GRM5: variants seen among roughly 807,000 people sequenced by gnomAD.
GRM5 encodes glutamate metabotropic receptor 5, also known as metabotropic glutamate receptor 5.
Under a neutral mutation model 83.1 loss-of-function variants are expected in GRM5, and 19 were observed. That is an observed-to-expected ratio of 0.23 (90% CI 0.16 to 0.34). The LOEUF is 0.34. GRM5 is among the 10% of genes least tolerant of loss of function. GRM5 has a pLI of 1.00. For missense variants in GRM5, 1,160 were observed against 1,588.3 expected, an observed-to-expected ratio of 0.73 and a Z score of 4.58; for synonymous variants, 675 against 633.6, an observed-to-expected ratio of 1.07 and a Z score of -0.98.
intron 3 of GRM5, among the ~76,000 whole-genome samples, chr11:88,665,162 T>TACACACACACACACACACAC (rs1214459891): frequency 0.049 from 6,848 of 140,820 alleles, 203 homozygotes; most frequent in South Asian, 0.082. Context: ...TTAATTTATT[T>TACACACACACACACACACAC]ACACACACAC....
At chr11:88,570,608 C>T (rs1285509089) in intron 7 of GRM5, among the ~76,000 whole-genome samples, 4 of 96,330 alleles carry the variant, frequency 4.2e-5, no homozygotes, top group South Asian at 3.4e-4. Flanking sequence ...GAGACATAGT[C>T]GCCCTTTGTC....
intron 3 of GRM5, among the ~76,000 whole-genome samples, chr11:88,842,748 C>A (rs1470577820): frequency 2.0e-5 from 3 of 152,004 alleles, no homozygotes; most frequent in Middle Eastern, 3.2e-3. Context: ...CTTAGAATTC[C>A]TCTCTTAATT....
chr11:88,862,255 C>T (rs1240995353), intron 2 of GRM5, among the ~76,000 whole-genome samples: 1 of 152,102 alleles, frequency 6.6e-6, no homozygotes, highest in African/African-American at 2.4e-5. Flanking sequence ...GTAAATTTGT[C>T]TCCTCAATTA....
intron 3 of GRM5, among the ~76,000 whole-genome samples, chr11:88,690,765 T>G (rs1458281429): frequency 3.3e-5 from 5 of 152,136 alleles, no homozygotes; most frequent in Non-Finnish European, 5.9e-5. Flanking sequence ...TCAGGTTGGG[T>G]TGGCAGTAAG....
rs114296600 is a variant in GRM5, at chr11:88,863,226, G to A, written c.662-13071C>T. On this transcript the variant is annotated intron_variant, in intron 2 of 9. Coordinates refer to ENST00000305447, the MANE Select transcript of GRM5 (RefSeq NM_001143831.3). ...GGCAATTCCTCAAAGGTCTAGAGTC[G>A]AAATGTCATTTGACCCAGCAATCCC... Among the ~76,000 whole-genome samples the A allele has an allele frequency of 6.8e-3, 1,030 of 152,120 alleles. 12 individuals are homozygous for A. The highest frequency in any genetic ancestry group is 0.024 in the African/African-American group (982 of 41,524).
At chr11:88,584,840 T>A (rs1191724044) in intron 7 of GRM5, among the ~76,000 whole-genome samples, 1 of 152,212 alleles carries the variant, frequency 6.6e-6, no homozygotes, top group Non-Finnish European at 1.5e-5. Flanking sequence ...TAAGAACAGA[T>A]AATTTTACTG....
intron 3 of GRM5, among the ~76,000 whole-genome samples, chr11:88,816,394 C>A (rs1943682691): frequency 6.6e-6 from 1 of 150,696 alleles, no homozygotes; most frequent in Admixed American, 6.6e-5. Context: ...CAAAAATTAG[C>A]CAGACATGGT....
intron 4 of GRM5, 92 bp from the exon 5 acceptor site, chr11:88,605,056 G>T: frequency 2.0e-6 from 2 of 984,560 alleles, no homozygotes; most frequent in Non-Finnish European, 3.1e-6. Flanking sequence ...TGTAATTAGA[G>T]AATGCACTGG....
intron 4 of GRM5, among the ~76,000 whole-genome samples, chr11:88,619,283 A>G (rs375744662): frequency 7.2e-5 from 11 of 152,218 alleles, no homozygotes; most frequent in East Asian, 3.8e-4. Flanking sequence ...CTACTTTACA[A>G]GCTGAAGAAA....
chr11:88,795,405 T>C (rs1433891150), intron 3 of GRM5, among the ~76,000 whole-genome samples: 1 of 152,142 alleles, frequency 6.6e-6, no homozygotes, highest in Non-Finnish European at 1.5e-5. Context: ...AAGTGGACTA[T>C]GCAGTTGGAA....
intron 9 of GRM5, among the ~76,000 whole-genome samples, chr11:88,516,490 G>A (rs1228156394): frequency 6.6e-6 from 1 of 152,158 alleles, no homozygotes; most frequent in Admixed American, 6.6e-5. Context: ...CTGAGGGACT[G>A]TAAGATAAAA....
Position 88,516,942 on chromosome 11 carries a change from G to A in GRM5, c.2727-7438C>T, listed in dbSNP as rs181598298. Among the ~76,000 whole-genome samples, 3 of 151,902 alleles carry A rather than the reference G, an allele frequency of 2.0e-5. No homozygotes were observed. The East Asian group carries it at 5.8e-4, about 29-fold the overall frequency. ...TTCTCTGGACCCTTAAAAATTAATT[G>A]GGTAGGTTAATTAAGATATTTCCTT... On this transcript the variant is annotated intron_variant, in intron 9 of 9. Transcript: ENST00000305447.
chr11:89,048,378 A>T (rs1179500901), intron 1 of GRM5, among the ~76,000 whole-genome samples: 1 of 152,190 alleles, frequency 6.6e-6, no homozygotes, highest in East Asian at 1.9e-4. Context: ...ATGACAGAGC[A>T]TCCTAGAAGC....
At chr11:88,950,364 G>GTT (rs1365661527) in intron 2 of GRM5, among the ~76,000 whole-genome samples, 2 of 151,700 alleles carry the variant, frequency 1.3e-5, no homozygotes. Context: ...GTGTGTGTGT[G>GTT]TGTGTGTGTG....
intron 3 of GRM5, among the ~76,000 whole-genome samples, chr11:88,773,122 A>G (rs1388413814): frequency 6.6e-6 from 1 of 152,072 alleles, no homozygotes; most frequent in Non-Finnish European, 1.5e-5. Flanking sequence ...TTGTTTCCTG[A>G]CTTTTTAATG....
chr11:88,870,674 C>G (rs1182836573), intron 2 of GRM5, among the ~76,000 whole-genome samples: 2 of 151,470 alleles, frequency 1.3e-5, no homozygotes, highest in Non-Finnish European at 3.0e-5. Flanking sequence ...TCTTGTGTTC[C>G]ATTGTGGACA....
At chr11:88,810,762 C>A (rs979363147) in intron 3 of GRM5, among the ~76,000 whole-genome samples, 1 of 151,958 alleles carries the variant, frequency 6.6e-6, no homozygotes, top group Non-Finnish European at 1.5e-5. Context: ...TGAAGATGAC[C>A]AATGCCAACC....
At chr11:88,783,935 T>C (rs906427559) in intron 3 of GRM5, among the ~76,000 whole-genome samples, 1 of 152,040 alleles carries the variant, frequency 6.6e-6, no homozygotes, top group South Asian at 2.1e-4. Context: ...AGTGAGTCCT[T>C]CTGTACAAAG....
chr11:88,780,355 A>G (rs1942950437), intron 3 of GRM5, among the ~76,000 whole-genome samples: 1 of 152,134 alleles, frequency 6.6e-6, no homozygotes, highest in South Asian at 2.1e-4. Context: ...ATTTATTTCT[A>G]ACTCCCATTA....
Sources: gnomAD v4.1 joint callset for allele counts (sites outside exome capture counted in the v4.1 genomes callset) on GRCh38, gnomAD v4.1.1 for gene constraint, MANE v1.5 for transcripts, NCBI Gene and HGNC (gene_info 2026-07-23, HGNC 2026-07-21) for gene names.